NAALADL2: variants seen among roughly 807,000 people sequenced by gnomAD.
The protein encoded by NAALADL2 is inactive N-acetylated-alpha-linked acidic dipeptidase-like protein 2.
Under a neutral mutation model 87.2 loss-of-function variants are expected in NAALADL2, and 76 were observed. The ratio of observed to expected loss-of-function variants is 0.87; its 90% CI spans 0.72 to 1.05. The LOEUF (loss-of-function observed/expected upper bound fraction) is 1.05, where lower values mean the gene tolerates loss of function less well. Ranked by LOEUF, NAALADL2 falls within the 50% of genes least tolerant of loss-of-function variation. The pLI is 0.00. For synonymous variants in NAALADL2, 354 were observed against 331.0 expected (o/e 1.07, Z -0.75); for missense variants, 1,089 against 945.8 (o/e 1.15, Z -1.99).
intron 1 of NAALADL2, among the ~76,000 whole-genome samples, chr3:174,500,427 C>T (rs1718810765): frequency 6.6e-6 from 1 of 151,826 alleles, no homozygotes; most frequent in Non-Finnish European, 1.5e-5. Context: ...ATTTTTTTCC[C>T]CCTCCTCCCA....
At chr3:175,547,454 C>G (rs941461508) in intron 9 of NAALADL2, among the ~76,000 whole-genome samples, 1 of 151,936 alleles carries the variant, frequency 6.6e-6, no homozygotes, top group African/African-American at 2.4e-5. Context: ...CTATGAAAAC[C>G]CTAGAAGACA....
chr3:174,973,947 C>T (rs1042533078), intron 1 of NAALADL2, among the ~76,000 whole-genome samples: 4 of 152,156 alleles, frequency 2.6e-5, no homozygotes, highest in African/African-American at 7.2e-5. Context: ...TAATTTTGCA[C>T]TGCACAAACC....
At chr3:175,261,945 G>A (rs1470443451) in intron 4 of NAALADL2, among the ~76,000 whole-genome samples, 1 of 152,064 alleles carries the variant, frequency 6.6e-6, no homozygotes, top group African/African-American at 2.4e-5. Context: ...AGGAAAATGA[G>A]AGATAGGAAA....
At chr3:175,475,988 G>T (rs115901038) in intron 9 of NAALADL2, among the ~76,000 whole-genome samples, 2 of 152,156 alleles carry the variant, frequency 1.3e-5, no homozygotes, top group African/African-American at 2.4e-5. Flanking sequence ...TTCTCAAAGC[G>T]CTGGGATTAC....
At chr3:174,726,642 TCTC>T (rs1341569916) in intron 2 of NAALADL2, among the ~76,000 whole-genome samples, 1 of 152,066 alleles carries the variant, frequency 6.6e-6, no homozygotes, top group East Asian at 1.9e-4. Context: ...AAATCTGTCT[TCTC>T]TGAGCTTCTG....
At chr3:175,019,810 C>A (rs960462340) in intron 1 of NAALADL2, among the ~76,000 whole-genome samples, 5 of 152,038 alleles carry the variant, frequency 3.3e-5, no homozygotes, top group African/African-American at 4.8e-5. Context: ...TTGTAAATGT[C>A]ATTCTCTTAT....
chr3:175,554,221 G>A (rs375584449), intron 9 of NAALADL2, among the ~76,000 whole-genome samples: 30 of 152,216 alleles, frequency 2.0e-4, no homozygotes, highest in East Asian at 1.7e-3. Flanking sequence ...GGCAGCAATC[G>A]GGAGCCATGT....
intron 3 of NAALADL2, among the ~76,000 whole-genome samples, chr3:174,821,135 C>A (rs901434176): frequency 6.6e-6 from 1 of 152,108 alleles, no homozygotes; most frequent in African/African-American, 2.4e-5. Context: ...TGGGAATGAG[C>A]AGACTTAAAT....
At chr3:174,890,033 G>A (rs1730676112) in intron 1 of NAALADL2, among the ~76,000 whole-genome samples, 1 of 152,150 alleles carries the variant, frequency 6.6e-6, no homozygotes, top group Non-Finnish European at 1.5e-5. Context: ...TTCAGGCCAT[G>A]GTTCCAAATT....
chr3:175,770,207 G>A (rs564713462), intron 13 of NAALADL2, among the ~76,000 whole-genome samples: 3 of 152,188 alleles, frequency 2.0e-5, no homozygotes, highest in East Asian at 1.9e-4. Context: ...TGCAAATATC[G>A]AGAAGATTAA....
intron 5 of NAALADL2, among the ~76,000 whole-genome samples, chr3:175,407,576 A>G (rs1712637583): frequency 6.6e-6 from 1 of 152,028 alleles, no homozygotes; most frequent in African/African-American, 2.4e-5. Flanking sequence ...CCTTTCATTC[A>G]CTCATTTTCT....
intron 2 of NAALADL2, among the ~76,000 whole-genome samples, chr3:174,666,161 A>G (rs1221715155): frequency 1.3e-5 from 2 of 152,202 alleles, no homozygotes; most frequent in Non-Finnish European, 2.9e-5. Flanking sequence ...GTATCTGGAT[A>G]TACTTACCAT....
At chr3:174,707,230 A>G (rs916653037) in intron 2 of NAALADL2, among the ~76,000 whole-genome samples, 36 of 152,212 alleles carry the variant, frequency 2.4e-4, no homozygotes, top group South Asian at 8.3e-4. Flanking sequence ...TGTGGAAGAC[A>G]GTGTGGCGAT....
intron 1 of NAALADL2, among the ~76,000 whole-genome samples, chr3:174,950,001 C>A (rs1208975048): frequency 1.3e-5 from 2 of 152,082 alleles, no homozygotes; most frequent in Admixed American, 6.6e-5. Flanking sequence ...CAAACTACAG[C>A]CAGCAGATCA....
chr3:175,014,485 A>G (rs559060577), intron 1 of NAALADL2, among the ~76,000 whole-genome samples: 4 of 152,292 alleles, frequency 2.6e-5, no homozygotes, highest in Non-Finnish European at 5.9e-5. Flanking sequence ...ATTTTGTTCC[A>G]TAATGTATTC....
chr3:174,767,614 A>G (rs1305965047), intron 3 of NAALADL2, among the ~76,000 whole-genome samples: 1 of 152,170 alleles, frequency 6.6e-6, no homozygotes, highest in Non-Finnish European at 1.5e-5. Context: ...GGATTGACCT[A>G]AGTAATGGGG....
chr3:175,066,851 A>G (rs1714624665), intron 1 of NAALADL2, among the ~76,000 whole-genome samples: 1 of 152,152 alleles, frequency 6.6e-6, no homozygotes, highest in Non-Finnish European at 1.5e-5. Context: ...GTTTGCCCAC[A>G]ACAGAGACAA....
At chr3:175,598,268 T>C (rs1486037647) in intron 10 of NAALADL2, among the ~76,000 whole-genome samples, 1 of 152,060 alleles carries the variant, frequency 6.6e-6, no homozygotes, top group African/African-American at 2.4e-5. Flanking sequence ...CTGAATAGAT[T>C]GTTATCTTTT....
At chr3:174,684,179 T>A (rs1357715716) in intron 2 of NAALADL2, among the ~76,000 whole-genome samples, 1 of 152,180 alleles carries the variant, frequency 6.6e-6, no homozygotes, top group South Asian at 2.1e-4. Flanking sequence ...AAATTTAAAA[T>A]AGTATTACTT....
Sources: gnomAD v4.1 joint callset for allele counts (sites outside exome capture counted in the v4.1 genomes callset) on GRCh38, gnomAD v4.1.1 for gene constraint, MANE v1.5 for transcripts, NCBI Gene and HGNC (gene_info 2026-07-23, HGNC 2026-07-21) for gene names.